WWC2: variants seen among roughly 807,000 people sequenced by gnomAD.
WWC2 encodes WW and C2 domain containing 2, also known as protein WWC2.
Under a neutral mutation model 138.5 loss-of-function variants are expected in WWC2, and 101 were observed. That is an observed-to-expected ratio of 0.73 (90% CI 0.62 to 0.86). The LOEUF (loss-of-function observed/expected upper bound fraction) is 0.86. Among genes scored for constraint, WWC2 ranks in the 40% least tolerant of loss-of-function variants. WWC2 has a pLI of 0.00. For missense variants in WWC2, 1,420 were observed against 1,419.4 expected, an observed-to-expected ratio of 1.00 and a Z score of -0.01; for synonymous variants, 558 against 538.4, an observed-to-expected ratio of 1.04 and a Z score of -0.50.
chr4:183,151,112 A>G (rs1433261340), intron 1 of WWC2, among the ~76,000 whole-genome samples: 1 of 152,180 alleles, frequency 6.6e-6, no homozygotes, highest in Non-Finnish European at 1.5e-5. Flanking sequence ...AGGAATCACT[A>G]CACTGTCTTC....
intron 2 of WWC2, among the ~76,000 whole-genome samples, chr4:183,195,224 A>T (rs1395626275): frequency 1.3e-5 from 2 of 152,232 alleles, no homozygotes; most frequent in Non-Finnish European, 2.9e-5. Context: ...TCTGAAATGT[A>T]TTAACTATTT....
intron 1 of WWC2, among the ~76,000 whole-genome samples, chr4:183,111,171 C>T (rs1732220204): frequency 6.6e-6 from 1 of 152,046 alleles, no homozygotes; most frequent in Non-Finnish European, 1.5e-5. Flanking sequence ...ATCCAGGAGG[C>T]GGAGCTTGCA....
chr4:183,176,445 C>T (rs1355851963), intron 1 of WWC2, among the ~76,000 whole-genome samples: 4 of 151,920 alleles, frequency 2.6e-5, no homozygotes, highest in African/African-American at 4.8e-5. Flanking sequence ...TTTTTTGAGA[C>T]GCAGTATCAC....
chr4:183,302,050 TCTA>T (rs1409837567), intron 21 of WWC2, among the ~76,000 whole-genome samples: 1 of 152,156 alleles, frequency 6.6e-6, no homozygotes, highest in Non-Finnish European at 1.5e-5. Flanking sequence ...TTTGTATAGC[TCTA>T]TCACAGTTAT....
At position 183,319,387 on chromosome 4, in the gene WWC2, A is replaced by T; in HGVS notation, c.*3658A>T. On this transcript the variant is annotated 3_prime_UTR_variant, in exon 23 of 23. Coordinates refer to ENST00000403733, the MANE Select transcript of WWC2 (RefSeq NM_024949.6). ...TTGATTGATTTTGGTCTCAGACTAGAAGATAAAAATGGTTTACCAGTCTTG... is the reference window on the plus strand; with the variant it reads ...TTGATTGATTTTGGTCTCAGACTAGTAGATAAAAATGGTTTACCAGTCTTG... The T allele has an allele frequency of 1.4e-6, 1 of 732,364 alleles. No homozygotes were observed. 45.4% of individuals were successfully genotyped at this position (732,364 alleles called of 1,614,324 possible).
intron 16 of WWC2, among the ~76,000 whole-genome samples, chr4:183,278,957 G>C (rs1737964750): frequency 6.6e-6 from 1 of 151,346 alleles, no homozygotes. Flanking sequence ...TTTCCTAATT[G>C]AATACCCTTT....
chr4:183,113,480 C>CTCTGTGTG (rs939145377), intron 1 of WWC2, among the ~76,000 whole-genome samples: 1 of 143,708 alleles, frequency 7.0e-6, no homozygotes, highest in Admixed American at 6.9e-5. Flanking sequence ...AAGGTGGGGC[C>CTCTGTGTG]TGTGTGTGTG....
intron 1 of WWC2, among the ~76,000 whole-genome samples, chr4:183,122,443 G>T (rs1732631880): frequency 6.6e-6 from 1 of 152,112 alleles, no homozygotes; most frequent in Non-Finnish European, 1.5e-5. Context: ...ATGACAAAAG[G>T]CATAAATTAA....
chr4:183,246,952 T>C (rs536465546), intron 6 of WWC2, among the ~76,000 whole-genome samples: 6 of 152,328 alleles, frequency 3.9e-5, no homozygotes, highest in Non-Finnish European at 5.9e-5. Flanking sequence ...CTTTCATTCT[T>C]CCTATAAACT....
At chr4:183,101,113 A>G (rs555820750) in intron 1 of WWC2, among the ~76,000 whole-genome samples, 11 of 152,362 alleles carry the variant, frequency 7.2e-5, no homozygotes, top group African/African-American at 2.4e-4. Flanking sequence ...TTGTGTGGTA[A>G]TTCTTTCTGC....
At position 183,320,509 on chromosome 4, in the gene WWC2, A is replaced by G; in HGVS notation, c.*4780A>G. The G allele has an allele frequency of 2.5e-6, 1 of 403,802 alleles. No homozygotes were observed. The highest frequency in any genetic ancestry group is 4.6e-6 in the Non-Finnish European group (1 of 218,912). The allele number at this position is 403,802 out of a possible 1,614,324, so 25.0% of individuals were successfully genotyped here. A position where few individuals can be genotyped will look rare whatever the true frequency, so the allele number is the denominator to read the frequency against. On this transcript the variant is annotated 3_prime_UTR_variant, in exon 23 of 23. Transcript: ENST00000403733. ...TTTGTCACTGAAATATAATTAAGTG[A>G]TAATCTCCTTTCATTGTCAAGGTTA...
chr4:183,119,201 A>T (rs1300005376), intron 1 of WWC2, among the ~76,000 whole-genome samples: 2 of 152,170 alleles, frequency 1.3e-5, no homozygotes, highest in African/African-American at 2.4e-5. Flanking sequence ...GGAGCATTGC[A>T]CTGGCCCTGC....
At chr4:183,299,247 C>T (rs1738740867) in intron 21 of WWC2, among the ~76,000 whole-genome samples, 1 of 152,034 alleles carries the variant, frequency 6.6e-6, no homozygotes, top group South Asian at 2.1e-4. Context: ...GCCTACTCAC[C>T]TCTCAAAGGT....
At chr4:183,264,893 C>T in intron 11 of WWC2, 85 bp from the exon 12 acceptor site, 1 of 1,364,214 alleles carries the variant, frequency 7.3e-7, no homozygotes, top group East Asian at 2.7e-5. Flanking sequence ...TTTTGGATTG[C>T]TCATGACCAA....
At chr4:183,308,008 A>G (rs1332267906) in intron 21 of WWC2, among the ~76,000 whole-genome samples, 2 of 152,242 alleles carry the variant, frequency 1.3e-5, no homozygotes, top group African/African-American at 4.8e-5. Flanking sequence ...AACTCTGGGA[A>G]CTAATAAGTG....
chr4:183,285,652 A>G (rs1738223154), intron 19 of WWC2, among the ~76,000 whole-genome samples: 1 of 152,104 alleles, frequency 6.6e-6, no homozygotes, highest in Non-Finnish European at 1.5e-5. Context: ...CCGAGTTACT[A>G]CAGAGGCTGA....
chr4:183,128,239 T>G (rs889578045), intron 1 of WWC2, among the ~76,000 whole-genome samples: 1 of 152,034 alleles, frequency 6.6e-6, no homozygotes, highest in African/African-American at 2.4e-5. Context: ...GTCAGGAGGC[T>G]GAGGCAGAAG....
rs143814007 is a variant in WWC2 at position 183,191,778 on chromosome 4, A to G, written c.132-1821A>G. Among the ~76,000 whole-genome samples, 1,112 of 151,542 alleles carry G rather than the reference A, an allele frequency of 7.3e-3. 19 individuals carry two copies. The highest frequency in any genetic ancestry group is 0.025 in the African/African-American group (1,047 of 41,284). On this transcript the variant is annotated intron_variant, in intron 1 of 22. Coordinates refer to ENST00000403733, the MANE Select transcript of WWC2 (RefSeq NM_024949.6). ...GGTCTTGCTCTGTTGCCCAGGCTGG[A>G]ATTCAGTGGTGCGATCATGGCTCAC...
intron 16 of WWC2, 64 bp downstream of exon 16, chr4:183,271,305 A>T: frequency 7.7e-7 from 1 of 1,297,660 alleles, no homozygotes; most frequent in Non-Finnish European, 1.0e-6. Context: ...TACATATATG[A>T]AAGTAATATG....
Sources: gnomAD v4.1 joint callset for allele counts (sites outside exome capture counted in the v4.1 genomes callset) on GRCh38, gnomAD v4.1.1 for gene constraint, MANE v1.5 for transcripts, NCBI Gene and HGNC (gene_info 2026-07-23, HGNC 2026-07-21) for gene names.